Variants in GRM7 observed in about 807,000 individuals in gnomAD.
GRM7 encodes glutamate metabotropic receptor 7, also known as metabotropic glutamate receptor 7.
A neutral mutation model predicts 84.5 loss-of-function variants in GRM7; 35 were observed. The observed-to-expected ratio is 0.41, with a 90% CI of 0.32 to 0.55. GRM7 has a LOEUF of 0.55. GRM7 is among the 20% of genes least tolerant of loss of function. The probability of loss-of-function intolerance (pLI) is 0.19; values close to 1 mark genes in which losing one functional copy is unlikely to be tolerated. For synonymous variants in GRM7, 487 were observed against 455.1 expected, an observed-to-expected ratio of 1.07 and a Z score of -0.89; for missense variants, 1,003 against 1,194.6, an observed-to-expected ratio of 0.84 and a Z score of 2.36.
intron 1 of GRM7, among the ~76,000 whole-genome samples, chr3:6,896,984 A>G (rs898622828): frequency 3.9e-5 from 6 of 152,212 alleles, no homozygotes; most frequent in African/African-American, 9.6e-5. Context: ...AAGTGTTTGA[A>G]TGATCAGAAA....
rs138571076 is a variant in GRM7, at chr3:7,297,299, T to C, written c.737-1385T>C. Among the ~76,000 whole-genome samples, 668 of 152,292 alleles carry C rather than the reference T, an allele frequency of 4.4e-3. 4 individuals are homozygous for C. The highest frequency in any genetic ancestry group is 0.015 in the African/African-American group (622 of 41,580). ...TGTTTAATTTCCAAGTGTTTGGAGATATTTTTATCTTTCTGTCATTGATTT... is the reference window on the plus strand; with the variant it reads ...TGTTTAATTTCCAAGTGTTTGGAGACATTTTTATCTTTCTGTCATTGATTT... On this transcript the variant is annotated intron_variant, in intron 2 of 9. Transcript: ENST00000357716.
chr3:7,172,577 A>G (rs915712314), intron 2 of GRM7, among the ~76,000 whole-genome samples: 2 of 132,382 alleles, frequency 1.5e-5, no homozygotes, highest in Non-Finnish European at 3.1e-5. Flanking sequence ...CTATATATAA[A>G]TATTACATAT....
At chr3:6,903,246 T>A (rs1259924680) in intron 1 of GRM7, among the ~76,000 whole-genome samples, 3 of 151,614 alleles carry the variant, frequency 2.0e-5, no homozygotes, top group African/African-American at 7.3e-5. Context: ...GCCAGCTTAA[T>A]TCCTTTTTTC....
chr3:7,712,630 TC>T (rs2125166555), intron 9 of GRM7, among the ~76,000 whole-genome samples: 2 of 143,458 alleles, frequency 1.4e-5, no homozygotes, highest in South Asian at 4.7e-4. Flanking sequence ...TTTTATTTTT[TC>T]TTTGTTCTTT....
At chr3:7,658,406 T>C (rs1220568441) in intron 8 of GRM7, among the ~76,000 whole-genome samples, 1 of 152,218 alleles carries the variant, frequency 6.6e-6, no homozygotes, top group Non-Finnish European at 1.5e-5. Context: ...TTGCCATTTT[T>C]TGGTAGCCTT....
chr3:6,986,519 A>G (rs1694417346), intron 1 of GRM7, among the ~76,000 whole-genome samples: 1 of 152,170 alleles, frequency 6.6e-6, no homozygotes, highest in Admixed American at 6.5e-5. Flanking sequence ...CCTAACTTCT[A>G]ATGTTCACTC....
chr3:7,535,763 A>G (rs1317830577), intron 7 of GRM7, among the ~76,000 whole-genome samples: 1 of 152,224 alleles, frequency 6.6e-6, no homozygotes, highest in East Asian at 1.9e-4. Flanking sequence ...CTCAATAAAG[A>G]TACCGTGTAA....
At chr3:7,480,473 C>T (rs545641610) in intron 7 of GRM7, among the ~76,000 whole-genome samples, 16 of 152,328 alleles carry the variant, frequency 1.1e-4, no homozygotes, top group African/African-American at 3.8e-4. Context: ...TTAAAGTTGA[C>T]TGAAGCACTC....
At chr3:7,664,239 G>A (rs1699583228) in intron 8 of GRM7, among the ~76,000 whole-genome samples, 1 of 152,102 alleles carries the variant, frequency 6.6e-6, no homozygotes, top group South Asian at 2.1e-4. Context: ...TGCTGGACAT[G>A]CCTGGGTCTT....
At chr3:7,515,691 A>G (rs1377952928) in intron 7 of GRM7, among the ~76,000 whole-genome samples, 1 of 152,166 alleles carries the variant, frequency 6.6e-6, no homozygotes, top group Non-Finnish European at 1.5e-5. Context: ...TTGAGGACTC[A>G]CAAGTAATCC....
intron 7 of GRM7, 102 bp downstream of exon 7, chr3:7,461,824 A>AT: frequency 9.4e-7 from 1 of 1,067,418 alleles, no homozygotes; most frequent in East Asian, 2.4e-5. Context: ...TTGTGTGCAT[A>AT]TACAAGTGAG....
intron 1 of GRM7, among the ~76,000 whole-genome samples, chr3:7,115,970 C>A (rs1379219713): frequency 6.6e-6 from 1 of 152,144 alleles, no homozygotes; most frequent in Non-Finnish European, 1.5e-5. Flanking sequence ...TGTCTCATTA[C>A]TGCCACTCTC....
In GRM7 at chr3:7,064,502, A is replaced by G. The variant is rs1350205752; in HGVS notation, c.520-81950A>G. The stretch of plus-strand genomic sequence containing the variant: ...TATACACACATATACATATATATAT[A>G]CACATATATATATATACACACACAC... On this transcript the variant is annotated intron_variant, in intron 1 of 9. Transcript: ENST00000357716. Among the ~76,000 whole-genome samples, 3 of 100,774 alleles carry G rather than the reference A, an allele frequency of 3.0e-5. 1 individual carries two copies. The highest frequency in any genetic ancestry group is 6.0e-5 in the Non-Finnish European group (3 of 50,346). 66.1% of individuals were successfully genotyped at this position (100,774 alleles called of 152,430 possible).
chr3:7,093,943 C>A (rs147860872), intron 1 of GRM7, among the ~76,000 whole-genome samples: 3 of 152,032 alleles, frequency 2.0e-5, no homozygotes, highest in Non-Finnish European at 4.4e-5. Flanking sequence ...GATTAAATTG[C>A]ATATGTATTT....
intron 1 of GRM7, among the ~76,000 whole-genome samples, chr3:7,020,668 A>G (rs1695744527): frequency 6.6e-6 from 1 of 152,224 alleles, no homozygotes; most frequent in African/African-American, 2.4e-5. Flanking sequence ...ACCTCCTTTT[A>G]TAGGGTGACT....
chr3:7,599,337 C>T (rs1337805192), intron 8 of GRM7, among the ~76,000 whole-genome samples: 1 of 152,066 alleles, frequency 6.6e-6, no homozygotes, highest in African/African-American at 2.4e-5. Context: ...TTTCATAAAA[C>T]TGAAATACAT....
chr3:7,325,013 G>C lies in GRM7; in HGVS notation c.1033+18361G>C, dbSNP rs557024290. ...AGCACTTTCTCAGTTGGGCCACACA[G>C]AGATTTAAACCCAGTGGATTTTTTC... On this transcript the variant is annotated intron_variant, in intron 4 of 9. Transcript: ENST00000357716. Among the ~76,000 whole-genome samples, 39 of 152,274 alleles carry C rather than the reference G, an allele frequency of 2.6e-4. No individual in the cohort carries two copies. The South Asian group carries it at 7.5e-3, about 29-fold the overall frequency.
rs13323447 is a variant in GRM7, at chr3:7,408,432, G to A, written c.1034-6591G>A. ...ATTTTCGTTGCAATAATTCTTATTT[G>A]TTTTCTCAAAAATAATGGCTGGTTT... On this transcript the variant is annotated intron_variant, in intron 4 of 9. Transcript: ENST00000357716. Among the ~76,000 whole-genome samples the A allele has an allele frequency of 8.2e-3, 1,252 of 152,102 alleles. 16 individuals carry two copies. Among genetic ancestry groups the A allele is most frequent in the African/African-American group, 0.027 (1,113 of 41,500 alleles).
At chr3:7,299,065 A>C (rs1369344201) in intron 3 of GRM7, among the ~76,000 whole-genome samples, 1 of 152,212 alleles carries the variant, frequency 6.6e-6, no homozygotes, top group African/African-American at 2.4e-5. Flanking sequence ...AAAAAACTCT[A>C]GATCTTTTAA....
Sources: allele counts gnomAD v4.1 joint callset (sites outside exome capture counted in the v4.1 genomes callset), GRCh38; gene constraint gnomAD v4.1.1; transcripts MANE v1.5; gene names NCBI Gene and HGNC (gene_info 2026-07-23, HGNC 2026-07-21).